PLPP1: variants seen among roughly 807,000 people sequenced by gnomAD.
PLPP1 encodes the protein phospholipid phosphatase 1.
In PLPP1, 24 loss-of-function variants were observed where a neutral mutation model predicts 31.2. The ratio of observed to expected loss-of-function variants is 0.77; its 90% CI spans 0.56 to 1.08. The LOEUF (loss-of-function observed/expected upper bound fraction) is 1.08, where lower values mean the gene tolerates loss of function less well. Among genes scored for constraint, PLPP1 ranks in the 50% least tolerant of loss-of-function variants. The pLI is 0.00. For missense variants in PLPP1, 319 were observed against 342.7 expected, an observed-to-expected ratio of 0.93 and a Z score of 0.55; for synonymous variants, 146 against 126.3, an observed-to-expected ratio of 1.16 and a Z score of -1.05.
At chr5:55,496,755 A>T (rs1753011301) in intron 1 of PLPP1, among the ~76,000 whole-genome samples, 1 of 152,194 alleles carries the variant, frequency 6.6e-6, no homozygotes, top group Admixed American at 6.5e-5. Flanking sequence ...TGTTGAGGAA[A>T]ACAGACACAT....
intron 1 of PLPP1, among the ~76,000 whole-genome samples, chr5:55,492,673 T>C (rs1480685949): frequency 6.6e-6 from 1 of 152,208 alleles, no homozygotes; most frequent in African/African-American, 2.4e-5. Flanking sequence ...GTTTTCAAGG[T>C]ACACGCATTT....
chr5:55,528,383 A>T (rs1322948407), intron 1 of PLPP1, among the ~76,000 whole-genome samples: 1 of 152,246 alleles, frequency 6.6e-6, no homozygotes, highest in African/African-American at 2.4e-5. Flanking sequence ...TATCGTACTT[A>T]TCATGATGTA....
chr5:55,478,190 C>T (rs1037837923), intron 1 of PLPP1, among the ~76,000 whole-genome samples: 1 of 151,878 alleles, frequency 6.6e-6, no homozygotes, highest in African/African-American at 2.4e-5. Flanking sequence ...ATGTTAGAAA[C>T]TATTCTTAGA....
intron 1 of PLPP1, among the ~76,000 whole-genome samples, chr5:55,511,647 T>A (rs191512530): frequency 2.1e-5 from 3 of 140,852 alleles, no homozygotes; most frequent in Admixed American, 1.5e-4. Context: ...TAACACGTGT[T>A]GAGTTTTTTT....
intron 1 of PLPP1, among the ~76,000 whole-genome samples, chr5:55,527,490 C>A (rs952206804): frequency 2.6e-5 from 4 of 152,132 alleles, no homozygotes; most frequent in African/African-American, 9.7e-5. Context: ...CCCATGGGCT[C>A]CTGTTTGCAT....
chr5:55,493,670 AAGGTCAGG>A (rs1214148708), intron 1 of PLPP1, among the ~76,000 whole-genome samples: 1 of 151,952 alleles, frequency 6.6e-6, no homozygotes, highest in African/African-American at 2.4e-5. Context: ...GGTGGATCAC[AAGGTCAGG>A]AGATCAAGAC....
intron 4 of PLPP1, among the ~76,000 whole-genome samples, chr5:55,436,334 T>C (rs990416259): frequency 1.3e-5 from 2 of 152,146 alleles, no homozygotes; most frequent in Non-Finnish European, 2.9e-5. Flanking sequence ...GGGGCAGGTC[T>C]TTCCCATGCT....
chr5:55,534,676 G>C lies in PLPP1; in HGVS notation c.-47C>G. The C allele has an allele frequency of 6.6e-7, 1 of 1,507,898 alleles. No individual in the cohort carries two copies. Among genetic ancestry groups the C allele is most frequent in the Non-Finnish European group, 8.9e-7 (1 of 1,127,258 alleles). The allele number at this position is 1,507,898 out of a possible 1,614,324, so 93.4% of individuals were successfully genotyped here. On this transcript the variant is annotated 5_prime_UTR_variant, in exon 1 of 6. Coordinates refer to ENST00000307259, the MANE Select transcript of PLPP1 (RefSeq NM_003711.4). ...GCAAGGGCGATGGACTGAGCTGCGG[G>C]ACGGCGGCCGAGGCCCTTGATTCTC...
intron 5 of PLPP1, chr5:55,425,613 TAAAA>T (rs1236373458): frequency 4.5e-6 from 2 of 448,114 alleles, no homozygotes; most frequent in Non-Finnish European, 7.6e-6. Context: ...CATAATCCCC[TAAAA>T]AAACTATTTC....
In PLPP1 at chr5:55,425,144, C is replaced by A; in HGVS notation, c.*62G>T. 2 of 1,562,532 alleles carry A rather than the reference C, an allele frequency of 1.3e-6. No homozygotes were observed. Among genetic ancestry groups the A allele is most frequent in the Non-Finnish European group, 1.7e-6 (2 of 1,153,380 alleles). ...CCAGGAAGAAAGATGCATCCTCTTG[C>A]CTTGTGGCAATCATTTTCCTTTAGA... On this transcript the variant is annotated 3_prime_UTR_variant, in exon 6 of 6. Coordinates refer to ENST00000307259, the MANE Select transcript of PLPP1 (RefSeq NM_003711.4).
chr5:55,491,407 A>T (rs578073317), intron 1 of PLPP1, among the ~76,000 whole-genome samples: 1 of 152,338 alleles, frequency 6.6e-6, no homozygotes, highest in South Asian at 2.1e-4. Context: ...CCCATGGAAA[A>T]ATAAAGCTGA....
At chr5:55,530,665 T>C (rs1213038917) in intron 1 of PLPP1, 1 of 1,599,632 alleles carries the variant, frequency 6.3e-7, no homozygotes, top group African/African-American at 1.3e-5. Flanking sequence ...CTCATTATAT[T>C]TTCAAGGTCT....
intron 1 of PLPP1, among the ~76,000 whole-genome samples, chr5:55,501,313 CAAAAAAAACAAACAAACAAATA>C (rs1753139754): frequency 6.6e-6 from 1 of 151,156 alleles, no homozygotes; most frequent in African/African-American, 2.4e-5. Flanking sequence ...GACTCCGTCT[CAAAAAAAACAAACAAACAAATA>C]AACAAAAAAA....
chr5:55,520,211 C>T (rs1753635602), intron 1 of PLPP1, among the ~76,000 whole-genome samples: 2 of 152,144 alleles, frequency 1.3e-5, no homozygotes, highest in Admixed American at 1.3e-4. Flanking sequence ...CCTAGAAGTA[C>T]AATCAAAAGA....
chr5:55,446,983 T>C (rs766426421), intron 3 of PLPP1, among the ~76,000 whole-genome samples: 4 of 152,162 alleles, frequency 2.6e-5, no homozygotes, highest in Non-Finnish European at 5.9e-5. Flanking sequence ...TCTACAGCAC[T>C]AACTGACGCA....
intron 1 of PLPP1, among the ~76,000 whole-genome samples, chr5:55,532,878 C>T (rs1740721276): frequency 6.6e-6 from 1 of 151,102 alleles, no homozygotes; most frequent in Admixed American, 6.6e-5. Context: ...ACTGCTTGAA[C>T]CCGGGAAGCG....
rs372283627 is a variant in PLPP1, at chr5:55,427,897, T to G, written c.550-1858A>C. On this transcript the variant is annotated intron_variant, in intron 4 of 5. Coordinates refer to ENST00000307259, the MANE Select transcript of PLPP1 (RefSeq NM_003711.4). ...GCCTCCCGGGTTCAAGCAATCCTCC[T>G]GCCTCAGCCTCCCGAGTAGCTGGGA... Among the ~76,000 whole-genome samples, 204 of 152,212 alleles carry G rather than the reference T, an allele frequency of 1.3e-3. 2 individuals carry two copies. The Middle Eastern group carries it at 0.024, about 18-fold the overall frequency.
intron 1 of PLPP1, among the ~76,000 whole-genome samples, chr5:55,500,648 AG>A (rs1753121097): frequency 1.8e-5 from 1 of 54,766 alleles, no homozygotes; most frequent in African/African-American, 4.1e-5. Flanking sequence ...GGTAGCAGGG[AG>A]ACACACAATC....
rs1753730761 is a variant in PLPP1 at position 55,524,109 on chromosome 5, A to G, written c.58+10463T>C. The stretch of plus-strand genomic sequence containing the variant: ...TTTAAAACAACATTGTGCTCACACA[A>G]TTTTAAAAACAATTTGAGTTTAACA... On this transcript the variant is annotated intron_variant, in intron 1 of 5. Coordinates refer to ENST00000307259, the MANE Select transcript of PLPP1 (RefSeq NM_003711.4). Among the ~76,000 whole-genome samples, 5 of 152,320 alleles carry G rather than the reference A, an allele frequency of 3.3e-5. No homozygotes were observed. In the South Asian group the frequency reaches 6.2e-4, roughly 19 times the overall value.
Sources: gnomAD v4.1 joint callset for allele counts (sites outside exome capture counted in the v4.1 genomes callset) on GRCh38, gnomAD v4.1.1 for gene constraint, MANE v1.5 for transcripts, NCBI Gene and HGNC (gene_info 2026-07-23, HGNC 2026-07-21) for gene names.